SLC2A13: variants seen among roughly 807,000 people sequenced by gnomAD.
The protein encoded by SLC2A13 is solute carrier family 2 member 13.
Under a neutral mutation model 64.4 loss-of-function variants are expected in SLC2A13, and 32 were observed. The ratio of observed to expected loss-of-function variants is 0.50; its 90% CI spans 0.37 to 0.67. The LOEUF (loss-of-function observed/expected upper bound fraction) is 0.67, where lower values mean the gene tolerates loss of function less well. Ranked by LOEUF, SLC2A13 falls within the 30% of genes least tolerant of loss-of-function variation. SLC2A13 has a pLI of 0.00. For synonymous variants in SLC2A13, 338 were observed against 327.1 expected, an observed-to-expected ratio of 1.03 and a Z score of -0.36; for missense variants, 743 against 829.2, an observed-to-expected ratio of 0.90 and a Z score of 1.28.
At chr12:39,849,718 G>A (rs1943415607) in intron 6 of SLC2A13, among the ~76,000 whole-genome samples, 1 of 152,040 alleles carries the variant, frequency 6.6e-6, no homozygotes, top group Non-Finnish European at 1.5e-5. Context: ...GTTTATTTGA[G>A]TTTCATTTAT....
chr12:39,908,561 G>C (rs933732486), intron 4 of SLC2A13, among the ~76,000 whole-genome samples: 1 of 151,912 alleles, frequency 6.6e-6, no homozygotes, highest in Non-Finnish European at 1.5e-5. Context: ...AGAAAGGCAA[G>C]GCGGGGAGGG....
chr12:40,088,311 CCACTT>C (rs1366071598), intron 1 of SLC2A13, among the ~76,000 whole-genome samples: 2 of 152,140 alleles, frequency 1.3e-5, no homozygotes, highest in African/African-American at 2.4e-5. Flanking sequence ...TCTAATTAGA[CCACTT>C]TATTTTAACT....
rs140992578 is a variant in SLC2A13 at position 39,803,602 on chromosome 12, G to T, written c.1445+26501C>A. Among the ~76,000 whole-genome samples, 789 of 151,794 alleles carry T rather than the reference G, an allele frequency of 5.2e-3. 8 individuals are homozygous for T. Among genetic ancestry groups the T allele is most frequent in the African/African-American group, 0.018 (742 of 41,436 alleles). On this transcript the variant is annotated intron_variant, in intron 7 of 9. Transcript: ENST00000280871. Reference sequence around the variant, plus strand: ...CATATATATATAGAGTCAGAAAAAAGAATCCTTCAACAGATATGCTAACCA... The same window carrying T: ...CATATATATATAGAGTCAGAAAAAATAATCCTTCAACAGATATGCTAACCA...
intron 3 of SLC2A13, among the ~76,000 whole-genome samples, chr12:40,020,810 G>A (rs73263617): frequency 0.029 from 4,403 of 152,098 alleles, 224 homozygotes; most frequent in African/African-American, 0.1. Flanking sequence ...TTTTATTTAC[G>A]AAGCAGACTA....
chr12:39,813,993 G>A (rs906443321), intron 7 of SLC2A13, among the ~76,000 whole-genome samples: 2 of 152,232 alleles, frequency 1.3e-5, no homozygotes, highest in Non-Finnish European at 2.9e-5. Flanking sequence ...GAGTGATTTC[G>A]TATATTACTT....
chr12:39,908,950 T>G (rs943542833), intron 4 of SLC2A13, among the ~76,000 whole-genome samples: 9 of 151,972 alleles, frequency 5.9e-5, no homozygotes, highest in African/African-American at 1.5e-4. Flanking sequence ...ATATCAGAGA[T>G]GGGCTATATC....
At chr12:39,870,705 T>C (rs1024676289) in intron 5 of SLC2A13, among the ~76,000 whole-genome samples, 1 of 152,168 alleles carries the variant, frequency 6.6e-6, no homozygotes, top group Non-Finnish European at 1.5e-5. Context: ...AATCAGACAA[T>C]CTCTCACCTT....
At chr12:39,874,172 G>A (rs563609483) in intron 4 of SLC2A13, among the ~76,000 whole-genome samples, 97 of 152,312 alleles carry the variant, frequency 6.4e-4, no homozygotes, top group Non-Finnish European at 1.2e-3. Flanking sequence ...TGTTAGGGTT[G>A]TGCCTTGTCA....
chr12:39,816,894 A>C (rs1942356502), intron 7 of SLC2A13, among the ~76,000 whole-genome samples: 14 of 152,196 alleles, frequency 9.2e-5, no homozygotes, highest in Admixed American at 9.2e-4. Context: ...AAATGCCTAG[A>C]AAAGCAGATA....
At chr12:39,935,490 T>C (rs1338726103) in intron 4 of SLC2A13, among the ~76,000 whole-genome samples, 2 of 152,184 alleles carry the variant, frequency 1.3e-5, no homozygotes, top group Non-Finnish European at 2.9e-5. Flanking sequence ...TGACTCTGGA[T>C]ATGAACAGAA....
chr12:40,058,584 A>G (rs1019975050), intron 1 of SLC2A13, among the ~76,000 whole-genome samples: 6 of 152,214 alleles, frequency 3.9e-5, no homozygotes, highest in African/African-American at 1.4e-4. Context: ...TTTACTATGC[A>G]GCCAAAATTA....
At chr12:40,023,436 G>C (rs1460550204) in intron 3 of SLC2A13, among the ~76,000 whole-genome samples, 5 of 152,156 alleles carry the variant, frequency 3.3e-5, no homozygotes, top group Non-Finnish European at 7.4e-5. Flanking sequence ...TCCTCTCAGG[G>C]TACACTTGTT....
At chr12:39,832,609 T>C (rs1445165032) in intron 6 of SLC2A13, among the ~76,000 whole-genome samples, 1 of 152,120 alleles carries the variant, frequency 6.6e-6, no homozygotes, top group Non-Finnish European at 1.5e-5. Flanking sequence ...CCACACACTA[T>C]GCTAGGTGCT....
intron 3 of SLC2A13, among the ~76,000 whole-genome samples, chr12:39,992,129 G>A (rs959415735): frequency 2.0e-5 from 3 of 152,160 alleles, no homozygotes; most frequent in African/African-American, 7.2e-5. Flanking sequence ...TGATGTAGGG[G>A]TAGAAGAGAG....
intron 4 of SLC2A13, among the ~76,000 whole-genome samples, chr12:39,899,734 A>C (rs1945033185): frequency 6.6e-6 from 1 of 151,998 alleles, no homozygotes; most frequent in African/African-American, 2.4e-5. Flanking sequence ...TCATTTATTT[A>C]TGTACCCAGT....
At position 40,059,138 on chromosome 12, in the gene SLC2A13, G is replaced by T. The variant is rs200585392; in HGVS notation, c.557-10928C>A. Among the ~76,000 whole-genome samples, 4 of 152,254 alleles carry T rather than the reference G, an allele frequency of 2.6e-5. No homozygotes were observed. In the East Asian group the frequency reaches 7.7e-4, roughly 29 times the overall value. On this transcript the variant is annotated intron_variant, in intron 1 of 9. Coordinates refer to ENST00000280871, the MANE Select transcript of SLC2A13 (RefSeq NM_052885.4). ...GTGATTTTCTTTGACATATGATGAG[G>T]TAATATAACTTTTGGCACTGCTGCT...
At chr12:39,767,830 C>T (rs1451231378) in intron 7 of SLC2A13, among the ~76,000 whole-genome samples, 1 of 151,958 alleles carries the variant, frequency 6.6e-6, no homozygotes, top group African/African-American at 2.4e-5. Context: ...TGGGCTTTTC[C>T]CCTTTTTACT....
chr12:39,957,246 C>T (rs1056994864), intron 3 of SLC2A13, among the ~76,000 whole-genome samples: 3 of 152,178 alleles, frequency 2.0e-5, no homozygotes, highest in African/African-American at 7.2e-5. Context: ...GATAACTCTT[C>T]CAAGGTCACA....
chr12:39,879,666 G>A (rs916456683), intron 4 of SLC2A13, among the ~76,000 whole-genome samples: 2 of 152,148 alleles, frequency 1.3e-5, no homozygotes, highest in Non-Finnish European at 2.9e-5. Flanking sequence ...TACCCCCAGT[G>A]TATCTTGGAA....
Sources: gnomAD v4.1 joint callset for allele counts (sites outside exome capture counted in the v4.1 genomes callset) on GRCh38, gnomAD v4.1.1 for gene constraint, MANE v1.5 for transcripts, NCBI Gene and HGNC (gene_info 2026-07-23, HGNC 2026-07-21) for gene names.